RANBP9: variants seen among roughly 807,000 people sequenced by gnomAD.
The protein encoded by RANBP9 is RAN binding protein 9.
A neutral mutation model predicts 84.3 loss-of-function variants in RANBP9; 15 were observed. The ratio of observed to expected loss-of-function variants is 0.18; its 90% CI spans 0.12 to 0.27. The LOEUF (loss-of-function observed/expected upper bound fraction) is 0.27, where lower values mean the gene tolerates loss of function less well. Among genes scored for constraint, RANBP9 ranks in the 10% least tolerant of loss-of-function variants. The probability of loss-of-function intolerance (pLI) is 1.00; values close to 1 mark genes in which losing one functional copy is unlikely to be tolerated. For synonymous variants in RANBP9, 392 were observed against 349.6 expected (o/e 1.12, Z -1.35); for missense variants, 809 against 912.8 (o/e 0.89, Z 1.46).
intron 1 of RANBP9, among the ~76,000 whole-genome samples, chr6:13,705,405 T>TC (rs1758079856): frequency 4.7e-5 from 1 of 21,306 alleles, no homozygotes; most frequent in Non-Finnish European, 8.0e-5. Flanking sequence ...AGATTCTGTC[T>TC]CAAAAAAAAA....
chr6:13,637,031 C>G (rs1246391630), intron 10 of RANBP9, among the ~76,000 whole-genome samples: 1 of 152,132 alleles, frequency 6.6e-6, no homozygotes, highest in Non-Finnish European at 1.5e-5. Context: ...TAAATTGACC[C>G]AGTCCTGGAT....
At position 13,632,510 on chromosome 6, in the gene RANBP9, T is replaced by C. The variant is rs1265835888; in HGVS notation, c.1807A>G (p.Ser603Gly). ...DCDTEMEVDS[S>G]QLRRQLCGGS... ...CCACACAACTGGCGTCTCAACTGAC[T>C]TGAATCAACTTCTGTAAGAAAAACA... The change falls in exon 12 of 14, where the codon AGT (serine) becomes GGT (glycine). Residue 603 changes from serine (S) to glycine (G), a missense_variant. Transcript: ENST00000011619. The C allele has an allele frequency of 6.2e-7, 1 of 1,613,000 alleles. No homozygotes were observed.
chr6:13,667,680 T>C (rs1274007982), intron 2 of RANBP9, among the ~76,000 whole-genome samples: 1 of 152,134 alleles, frequency 6.6e-6, no homozygotes, highest in African/African-American at 2.4e-5. Flanking sequence ...TGTAACACAA[T>C]AACAAGCTAT....
At chr6:13,667,697 T>A (rs1277890896) in intron 2 of RANBP9, among the ~76,000 whole-genome samples, 1 of 152,140 alleles carries the variant, frequency 6.6e-6, no homozygotes, top group Non-Finnish European at 1.5e-5. Context: ...CTATTCAGTT[T>A]TGTAGCCTAG....
chr6:13,636,102 C>T (rs184967847), intron 10 of RANBP9, among the ~76,000 whole-genome samples: 37 of 152,168 alleles, frequency 2.4e-4, no homozygotes, highest in African/African-American at 8.7e-4. Flanking sequence ...TTTTCTCAGC[C>T]TGGACAGAAG....
intron 2 of RANBP9, 82 bp from the exon 3 acceptor site, chr6:13,658,914 T>C: frequency 7.4e-7 from 1 of 1,359,936 alleles, no homozygotes; most frequent in South Asian, 1.2e-5. Flanking sequence ...TCTCAAACAA[T>C]ATCAGAACCA....
chr6:13,629,895 GTCTCTC>G (rs35437953), intron 12 of RANBP9, among the ~76,000 whole-genome samples: 93 of 143,918 alleles, frequency 6.5e-4, no homozygotes, highest in South Asian at 1.2e-3. Flanking sequence ...TCATGTCTCT[GTCTCTC>G]TCTCTCTCTC....
rs1219992353 is a variant in RANBP9 at position 13,644,620 on chromosome 6, C to T, written c.1037G>A (p.Arg346Lys). Reference sequence around the variant, plus strand: ...ATCTATCTGTGCCTGGATTTTGGTTCTCCACTCCCGCATATAGTCTTCTAT... The same window carrying T: ...ATCTATCTGTGCCTGGATTTTGGTTTTCCACTCCCGCATATAGTCTTCTAT... ...FDIEDYMREW[R>K]TKIQAQIDRF... The change falls in exon 6 of 14, where the codon AGA becomes AAA. Residue 346 changes from arginine (R) to lysine (K), a missense_variant. Arg to Lys is a conservative substitution (Grantham distance 26, BLOSUM62 2). Coordinates refer to ENST00000011619, the MANE Select transcript of RANBP9 (RefSeq NM_005493.3). The T allele has an allele frequency of 6.2e-7, 1 of 1,613,662 alleles. No homozygotes were observed. The highest frequency in any genetic ancestry group is 1.7e-5 in the Admixed American group (1 of 59,960).
chr6:13,642,066 TAATA>T (rs1444734320), intron 7 of RANBP9, among the ~76,000 whole-genome samples: 1 of 152,200 alleles, frequency 6.6e-6, no homozygotes, highest in African/African-American at 2.4e-5. Context: ...AGGATCTAAA[TAATA>T]AATACTTATG....
intron 1 of RANBP9, among the ~76,000 whole-genome samples, chr6:13,706,688 C>T (rs1454361942): frequency 6.8e-6 from 1 of 146,400 alleles, no homozygotes; most frequent in African/African-American, 2.5e-5. Flanking sequence ...GAGCGAGACT[C>T]CATCTTAAAA....
chr6:13,676,766 G>A (rs576020332), intron 2 of RANBP9, among the ~76,000 whole-genome samples: 3 of 151,884 alleles, frequency 2.0e-5, no homozygotes, highest in Admixed American at 6.6e-5. Context: ...GAAAAATCAC[G>A]TGATCAGACC....
intron 1 of RANBP9, among the ~76,000 whole-genome samples, chr6:13,703,827 T>C (rs1055086014): frequency 2.0e-5 from 3 of 152,362 alleles, no homozygotes; most frequent in African/African-American, 7.2e-5. Flanking sequence ...TTCCTGTTCT[T>C]TCTGTAAGGC....
intron 1 of RANBP9, among the ~76,000 whole-genome samples, chr6:13,697,615 C>A (rs1217638763): frequency 6.6e-6 from 1 of 152,152 alleles, no homozygotes; most frequent in Non-Finnish European, 1.5e-5. Context: ...CAATTCTAAT[C>A]CCACAGGGTT....
Position 13,636,456 on chromosome 6 carries a change from C to T in RANBP9, c.1673+1352G>A, listed in dbSNP as rs758292111. On this transcript the variant is annotated intron_variant, in intron 10 of 13. Coordinates refer to ENST00000011619, the MANE Select transcript of RANBP9 (RefSeq NM_005493.3). Reference sequence around the variant, plus strand: ...AGGATGTTGTGTCATCAGACCCTTCCGTTAAGCTTGCTTCCCTGAACTCAG... The same window carrying T: ...AGGATGTTGTGTCATCAGACCCTTCTGTTAAGCTTGCTTCCCTGAACTCAG... Among the ~76,000 whole-genome samples, 4 of 152,274 alleles carry T rather than the reference C, an allele frequency of 2.6e-5. No homozygotes were observed. The South Asian group carries it at 6.2e-4, about 24-fold the overall frequency.
chr6:13,701,621 G>A (rs1203224036), intron 1 of RANBP9, among the ~76,000 whole-genome samples: 1 of 151,722 alleles, frequency 6.6e-6, no homozygotes, highest in East Asian at 1.9e-4. Flanking sequence ...AATACAAAAA[G>A]TGGCCAGGCA....
intron 11 of RANBP9, chr6:13,632,747 G>A: frequency 2.4e-6 from 1 of 412,884 alleles, no homozygotes; most frequent in Non-Finnish European, 4.3e-6. Context: ...ATGCAGTTGA[G>A]AGGGGACAAC....
chr6:13,710,342 G>A (rs1003826020), intron 1 of RANBP9, among the ~76,000 whole-genome samples: 2 of 152,036 alleles, frequency 1.3e-5, no homozygotes, highest in Admixed American at 6.6e-5. Context: ...GGTGTTCCTG[G>A]GGTTCCCTTC....
At chr6:13,704,793 C>T (rs1016211305) in intron 1 of RANBP9, among the ~76,000 whole-genome samples, 1 of 152,130 alleles carries the variant, frequency 6.6e-6, no homozygotes, top group African/African-American at 2.4e-5. Context: ...CTCCCTTTCT[C>T]CTATATCCTA....
rs374538732 is a variant in RANBP9 at position 13,689,004 on chromosome 6, A to AAAAAAG, written c.683+7780_683+7781insCTTTTT. Among the ~76,000 whole-genome samples, 53 of 108,994 alleles carry AAAAAAG rather than the reference A, an allele frequency of 4.9e-4. 6 individuals are homozygous for AAAAAAG. The highest frequency in any genetic ancestry group is 1.2e-3 in the Admixed American group (10 of 8,402). The allele number at this position is 108,994 out of a possible 152,430, so 71.5% of individuals were successfully genotyped here. A position where few individuals can be genotyped will look rare whatever the true frequency, so the allele number is the denominator to read the frequency against. ...CCACAAAAAAAAAAAAAAAAAAAAAATGCTGGGCATGGTGACGCACACCCA... is the reference window on the plus strand; with the variant it reads ...CCACAAAAAAAAAAAAAAAAAAAAAAAAAAAGTGCTGGGCATGGTGACGCACACCCA... On this transcript the variant is annotated intron_variant, in intron 2 of 13. Transcript: ENST00000011619.
Sources: gnomAD v4.1 joint callset for allele counts (sites outside exome capture counted in the v4.1 genomes callset) on GRCh38, gnomAD v4.1.1 for gene constraint, MANE v1.5 for transcripts, NCBI Gene and HGNC (gene_info 2026-07-23, HGNC 2026-07-21) for gene names.